The following ROBO1 variants were observed in gnomAD, a reference collection of about 807,000 sequenced individuals.
ROBO1 encodes roundabout guidance receptor 1.
ROBO1 carries 149 observed loss-of-function variants against 195.9 expected under a neutral mutation model. The observed-to-expected ratio is 0.76, with a 90% CI of 0.67 to 0.87. The LOEUF (loss-of-function observed/expected upper bound fraction) is 0.87. Among genes scored for constraint, ROBO1 ranks in the 40% least tolerant of loss-of-function variants. The pLI is 0.00. For synonymous variants in ROBO1, 816 were observed against 733.2 expected, an observed-to-expected ratio of 1.11 and a Z score of -1.82; for missense variants, 1,933 against 2,068.3, an observed-to-expected ratio of 0.93 and a Z score of 1.27.
chr3:78,992,304 T>C (rs2077256785), intron 3 of ROBO1, among the ~76,000 whole-genome samples: 1 of 152,132 alleles, frequency 6.6e-6, no homozygotes, highest in African/African-American at 2.4e-5. Flanking sequence ...GTCATTTCCT[T>C]GGTACGTTTA....
chr3:78,713,113 G>C (rs1018790352), intron 8 of ROBO1, among the ~76,000 whole-genome samples: 1 of 152,088 alleles, frequency 6.6e-6, no homozygotes, highest in Non-Finnish European at 1.5e-5. Flanking sequence ...GCCTTACTTG[G>C]AGTTCAAGTC....
chr3:79,545,105 A>G (rs1454225149), intron 2 of ROBO1, among the ~76,000 whole-genome samples: 1 of 152,062 alleles, frequency 6.6e-6, no homozygotes, highest in Non-Finnish European at 1.5e-5. Context: ...TTAAAAAAAG[A>G]AAAAAACAGT....
intron 2 of ROBO1, among the ~76,000 whole-genome samples, chr3:79,467,443 C>T (rs1175474690): frequency 6.6e-6 from 1 of 151,296 alleles, no homozygotes; most frequent in Non-Finnish European, 1.5e-5. Flanking sequence ...CACATAAACC[C>T]CAAACACCAG....
chr3:79,171,413 CA>C (rs34894151), intron 2 of ROBO1, among the ~76,000 whole-genome samples: 10,210 of 65,864 alleles, frequency 0.16, 344 homozygotes, highest in African/African-American at 0.23. Flanking sequence ...ATGAAAATTG[CA>C]AAAAAAAAAA....
chr3:79,727,611 T>C (rs185278596), intron 1 of ROBO1, among the ~76,000 whole-genome samples: 1 of 152,318 alleles, frequency 6.6e-6, no homozygotes, highest in Admixed American at 6.5e-5. Context: ...ATCTCTGCTA[T>C]TTTAAAGAAA....
intron 3 of ROBO1, among the ~76,000 whole-genome samples, chr3:79,029,249 T>C (rs2078252722): frequency 6.6e-6 from 1 of 152,098 alleles, no homozygotes; most frequent in Non-Finnish European, 1.5e-5. Context: ...AAAGACTTAG[T>C]TATCCCCTTT....
intron 2 of ROBO1, among the ~76,000 whole-genome samples, chr3:79,269,440 C>T (rs1221245723): frequency 2.6e-5 from 4 of 151,516 alleles, no homozygotes; most frequent in East Asian, 3.9e-4. Context: ...CACAAAATAA[C>T]TAGTGTAGTT....
chr3:78,954,550 C>T (rs1021750924), intron 3 of ROBO1, among the ~76,000 whole-genome samples: 2 of 151,962 alleles, frequency 1.3e-5, no homozygotes, highest in African/African-American at 2.4e-5. Flanking sequence ...ACCAATCAGA[C>T]GTTTGAAATG....
intron 4 of ROBO1, among the ~76,000 whole-genome samples, chr3:78,829,640 C>T (rs1305343167): frequency 3.9e-5 from 6 of 152,124 alleles, no homozygotes; most frequent in Non-Finnish European, 8.8e-5. Context: ...AATGATTTCC[C>T]CCTCTACTGT....
intron 4 of ROBO1, among the ~76,000 whole-genome samples, chr3:78,748,652 A>G (rs2082716429): frequency 6.6e-6 from 1 of 152,010 alleles, no homozygotes; most frequent in South Asian, 2.1e-4. Flanking sequence ...CTTTTTTTCA[A>G]AACCTCAAAC....
intron 4 of ROBO1, among the ~76,000 whole-genome samples, chr3:78,864,406 T>C (rs769638375): frequency 6.6e-6 from 1 of 152,178 alleles, no homozygotes; most frequent in African/African-American, 2.4e-5. Context: ...GAGGGTCCTA[T>C]ACCTTAGTAA....
intron 3 of ROBO1, among the ~76,000 whole-genome samples, chr3:79,006,898 C>G (rs2077636946): frequency 6.6e-6 from 1 of 151,852 alleles, no homozygotes; most frequent in Non-Finnish European, 1.5e-5. Context: ...ATCTCCTGAT[C>G]CAGAAAAGTA....
intron 3 of ROBO1, among the ~76,000 whole-genome samples, chr3:79,088,306 C>T (rs543267865): frequency 5.9e-4 from 90 of 152,036 alleles, no homozygotes; most frequent in Non-Finnish European, 1.0e-3. Context: ...AGTGATGTAG[C>T]GTTTATGCTA....
intron 3 of ROBO1, among the ~76,000 whole-genome samples, chr3:79,025,436 T>C (rs1234642560): frequency 1.3e-5 from 2 of 152,204 alleles, no homozygotes; most frequent in Non-Finnish European, 2.9e-5. Flanking sequence ...CCAGGGATTC[T>C]TGATTATTTT....
chr3:78,843,220 ATATTAAAC>A (rs1423223144), intron 4 of ROBO1, among the ~76,000 whole-genome samples: 1 of 152,118 alleles, frequency 6.6e-6, no homozygotes, highest in African/African-American at 2.4e-5. Flanking sequence ...AAATTTCTGA[ATATTAAAC>A]TATGTGAATG....
chr3:78,983,263 C>A (rs1193749808), intron 3 of ROBO1, among the ~76,000 whole-genome samples: 1 of 152,188 alleles, frequency 6.6e-6, no homozygotes, highest in Admixed American at 6.5e-5. Context: ...TTTGAAACTA[C>A]GTAACAACAA....
intron 1 of ROBO1, among the ~76,000 whole-genome samples, chr3:79,650,183 T>G (rs1365061050): frequency 6.6e-6 from 1 of 151,876 alleles, no homozygotes; most frequent in Non-Finnish European, 1.5e-5. Flanking sequence ...TACAAATCTC[T>G]GACAAACTGA....
At chr3:78,967,994 T>A (rs1560062187) in intron 3 of ROBO1, among the ~76,000 whole-genome samples, 1 of 152,168 alleles carries the variant, frequency 6.6e-6, no homozygotes, top group Non-Finnish European at 1.5e-5. Flanking sequence ...GGCAAACAAA[T>A]AAATGTTTTC....
At chr3:79,031,745 C>A (rs1238408371) in intron 3 of ROBO1, among the ~76,000 whole-genome samples, 1 of 151,992 alleles carries the variant, frequency 6.6e-6, no homozygotes, top group Non-Finnish European at 1.5e-5. Flanking sequence ...GTGATTTCAT[C>A]GTGAAAAAGA....
Sources: gnomAD v4.1 joint callset for allele counts (sites outside exome capture counted in the v4.1 genomes callset) on GRCh38, gnomAD v4.1.1 for gene constraint, MANE v1.5 for transcripts, NCBI Gene and HGNC (gene_info 2026-07-23, HGNC 2026-07-21) for gene names.